Variants in BLTP1 observed in about 807,000 individuals in gnomAD.
BLTP1 encodes fragile site-associated protein.
At chr4:122,209,188 A>G in the BLTP1 span, 5 of 1,611,760 alleles carry the variant, frequency 3.1e-6, no homozygotes, top group Non-Finnish European at 4.2e-6. Context: ...ATTTGTTTCT[A>G]CCAGACTGCC....
chr4:122,335,469 G>A, the BLTP1 span, among the ~76,000 whole-genome samples: 1 of 152,054 alleles, frequency 6.6e-6, no homozygotes, highest in Non-Finnish European at 1.5e-5. Context: ...GACTAGACAA[G>A]AATTATTTGA....
the BLTP1 span, among the ~76,000 whole-genome samples, chr4:122,332,629 C>CTTTTTTTTTTTTTTTT: frequency 7.0e-6 from 1 of 142,552 alleles, no homozygotes. Flanking sequence ...TAAAAGTTTG[C>CTTTTTTTTTTTTTTTT]TTTTTTTTTT....
the BLTP1 span, chr4:122,276,557 C>G: frequency 1.0e-6 from 1 of 985,140 alleles, no homozygotes; most frequent in Non-Finnish European, 1.2e-6. Context: ...ATCTAGAGAG[C>G]CATTTGCATG....
the BLTP1 span, chr4:122,198,569 A>G: frequency 5.6e-6 from 2 of 354,948 alleles, no homozygotes; most frequent in Non-Finnish European, 7.9e-6. Context: ...GAGTCACCTG[A>G]GGACTGAGGA....
At chr4:122,222,964 T>C in the BLTP1 span, 1 of 950,380 alleles carries the variant, frequency 1.1e-6, no homozygotes, top group South Asian at 4.9e-5. Context: ...AAGATCCACA[T>C]GTAATTTTGA....
chr4:122,208,416 A>T, the BLTP1 span: 17 of 985,006 alleles, frequency 1.7e-5, no homozygotes, highest in Non-Finnish European at 1.8e-5. Context: ...TAGAAGTCCT[A>T]TTAGGAAAAA....
At chr4:122,158,201 A>T in the BLTP1 span, among the ~76,000 whole-genome samples, 1 of 152,236 alleles carries the variant, frequency 6.6e-6, no homozygotes, top group Non-Finnish European at 1.5e-5. Context: ...AGAAACTTAC[A>T]GAATGTGTTT....
the BLTP1 span, chr4:122,351,263 CAA>C: frequency 1.1e-5 from 10 of 911,926 alleles, no homozygotes; most frequent in African/African-American, 1.3e-4. Flanking sequence ...CTAGAAAACA[CAA>C]GAGAAGCAAA....
the BLTP1 span, among the ~76,000 whole-genome samples, chr4:122,168,758 T>G: frequency 6.6e-6 from 1 of 152,208 alleles, no homozygotes; most frequent in Non-Finnish European, 1.5e-5. Context: ...AACATTTTCT[T>G]AATCTTCTCT....
the BLTP1 span, among the ~76,000 whole-genome samples, chr4:122,214,783 T>C: frequency 1.3e-5 from 2 of 151,998 alleles, no homozygotes; most frequent in Non-Finnish European, 2.9e-5. Flanking sequence ...GGATAATTTT[T>C]GTATTTTTTG....
chr4:122,222,443 A>G, the BLTP1 span, among the ~76,000 whole-genome samples: 7 of 152,178 alleles, frequency 4.6e-5, no homozygotes, highest in African/African-American at 1.7e-4. Flanking sequence ...CATCTTATGT[A>G]TTAATTTCAT....
the BLTP1 span, chr4:122,200,398 T>C: frequency 1.4e-5 from 8 of 565,800 alleles, no homozygotes; most frequent in Admixed American, 2.6e-4. Context: ...ACCAATATGG[T>C]GAAACCCTGC....
At chr4:122,291,640 T>G in the BLTP1 span, 1 of 685,838 alleles carries the variant, frequency 1.5e-6, no homozygotes, top group African/African-American at 1.9e-5. Context: ...CAGAAAGATG[T>G]AAGTAAGCAC....
At chr4:122,170,906 A>C in the BLTP1 span, among the ~76,000 whole-genome samples, 1 of 152,154 alleles carries the variant, frequency 6.6e-6, no homozygotes, top group Non-Finnish European at 1.5e-5. Flanking sequence ...TTTGTTCTGG[A>C]AACTGCTCTG....
the BLTP1 span, among the ~76,000 whole-genome samples, chr4:122,342,546 G>C: frequency 6.6e-6 from 1 of 151,924 alleles, no homozygotes; most frequent in East Asian, 1.9e-4. Flanking sequence ...AGTAGAGATG[G>C]GGTTTCACCA....
At chr4:122,243,852 A>T in the BLTP1 span, 1 of 1,537,940 alleles carries the variant, frequency 6.5e-7, no homozygotes, top group Non-Finnish European at 8.7e-7. Flanking sequence ...TAAATTGTAT[A>T]GTACGCCGTA....
the BLTP1 span, chr4:122,355,960 G>A: frequency 1.6e-5 from 26 of 1,610,920 alleles, no homozygotes; most frequent in East Asian, 2.2e-5. Context: ...ATCCATTCAT[G>A]TTCAAGAACC....
chr4:122,323,035 C>T, the BLTP1 span, among the ~76,000 whole-genome samples: 2 of 152,074 alleles, frequency 1.3e-5, no homozygotes, highest in Non-Finnish European at 2.9e-5. Flanking sequence ...CACAATATTG[C>T]AGGGGCACCG....
the BLTP1 span, chr4:122,258,783 T>G: frequency 1.2e-6 from 2 of 1,613,856 alleles, no homozygotes; most frequent in African/African-American, 2.7e-5. Context: ...TAACTGGAGC[T>G]GAGATAATGA....
Sources: allele counts gnomAD v4.1 joint callset (sites outside exome capture counted in the v4.1 genomes callset), GRCh38; gene constraint gnomAD v4.1.1; transcripts MANE v1.5; gene names NCBI Gene and HGNC (gene_info 2026-07-23, HGNC 2026-07-21).